Variants in SHISA6 observed in about 807,000 individuals in gnomAD.
SHISA6 encodes protein shisa-6.
Under a neutral mutation model 47.9 loss-of-function variants are expected in SHISA6, and 22 were observed. That is an observed-to-expected ratio of 0.46 (90% CI 0.33 to 0.66). The LOEUF is 0.66. Ranked by LOEUF, SHISA6 falls within the 30% of genes least tolerant of loss-of-function variation. SHISA6 has a pLI of 0.02. For missense variants in SHISA6, 680 were observed against 764.6 expected, an observed-to-expected ratio of 0.89 and a Z score of 1.30; for synonymous variants, 388 against 337.8, an observed-to-expected ratio of 1.15 and a Z score of -1.63.
intron 3 of SHISA6, among the ~76,000 whole-genome samples, chr17:11,444,426 A>T (rs1195025482): frequency 6.6e-6 from 1 of 152,206 alleles, no homozygotes; most frequent in East Asian, 1.9e-4. Context: ...CACCCACATT[A>T]TATGGCACAT....
At chr17:11,393,300 G>A (rs767982920) in intron 3 of SHISA6, among the ~76,000 whole-genome samples, 5 of 152,172 alleles carry the variant, frequency 3.3e-5, no homozygotes, top group African/African-American at 4.8e-5. Flanking sequence ...ATCCAAGTCC[G>A]TTACCATTCT....
intron 3 of SHISA6, among the ~76,000 whole-genome samples, chr17:11,500,491 A>G (rs1169311137): frequency 6.6e-6 from 1 of 152,156 alleles, no homozygotes; most frequent in Non-Finnish European, 1.5e-5. Flanking sequence ...TAGGTGAGGA[A>G]ACTGAGGCGC....
chr17:11,496,633 G>T (rs979456722), intron 3 of SHISA6, among the ~76,000 whole-genome samples: 1 of 152,090 alleles, frequency 6.6e-6, no homozygotes, highest in Non-Finnish European at 1.5e-5. Flanking sequence ...CAGCTACTCG[G>T]GAGGCTGAGG....
At chr17:11,292,714 C>G (rs542857145) in intron 2 of SHISA6, among the ~76,000 whole-genome samples, 1 of 151,632 alleles carries the variant, frequency 6.6e-6, no homozygotes, top group East Asian at 1.9e-4. Context: ...AGCAAGGAGA[C>G]GAGATGAACT....
At chr17:11,378,512 T>A (rs1912893041) in intron 2 of SHISA6, among the ~76,000 whole-genome samples, 1 of 152,224 alleles carries the variant, frequency 6.6e-6, no homozygotes, top group South Asian at 2.1e-4. Flanking sequence ...ATGAAAGAAA[T>A]GGTTTTTTCA....
In SHISA6 at chr17:11,557,760, A is replaced by T; in HGVS notation, c.1112A>T (p.Lys371Met). Residue 371 changes from lysine to methionine, a missense_variant, in exon 6 of 6, where the codon AAG becomes ATG. Transcript: ENST00000441885. ...CTCTGTCTCTCCCCTGCAGCCGACA[A>T]GGAGGCTGACGAGTATTACATGAGA... ...KYSSLKRLTD[K>M]EADEYYMRRR... 5 of 1,541,650 alleles carry T rather than the reference A, an allele frequency of 3.2e-6. No homozygotes were observed. The highest frequency in any genetic ancestry group is 4.4e-6 in the Non-Finnish European group (5 of 1,141,070).
chr17:11,445,581 T>C (rs1025504573), intron 3 of SHISA6, among the ~76,000 whole-genome samples: 1 of 152,236 alleles, frequency 6.6e-6, no homozygotes, highest in Non-Finnish European at 1.5e-5. Flanking sequence ...AATTATTCTC[T>C]ATAAAATCCA....
At chr17:11,429,499 G>A (rs531759814) in intron 3 of SHISA6, among the ~76,000 whole-genome samples, 33 of 151,950 alleles carry the variant, frequency 2.2e-4, no homozygotes, top group South Asian at 6.2e-4. Flanking sequence ...TCAAATATCC[G>A]GCCAGGCGCC....
At chr17:11,248,996 G>A (rs541530251) in intron 1 of SHISA6, among the ~76,000 whole-genome samples, 120 of 152,150 alleles carry the variant, frequency 7.9e-4, no homozygotes, top group Middle Eastern at 3.4e-3. Context: ...AAAATTAGCC[G>A]GGCTTGGTGG....
chr17:11,553,935 G>A (rs950471802), intron 4 of SHISA6, among the ~76,000 whole-genome samples: 5 of 152,168 alleles, frequency 3.3e-5, no homozygotes, highest in Admixed American at 3.3e-4. Flanking sequence ...ATACAGAAGA[G>A]TAAAGGAGGC....
intron 3 of SHISA6, among the ~76,000 whole-genome samples, chr17:11,485,943 C>T (rs1341277553): frequency 2.6e-5 from 4 of 152,134 alleles, no homozygotes; most frequent in Non-Finnish European, 4.4e-5. Flanking sequence ...GGCTTCATTT[C>T]TCCTCCTAAT....
chr17:11,466,459 G>A lies in SHISA6; in HGVS notation c.896-85437G>A, dbSNP rs368609854. 6.6e-5 allele frequency among the ~76,000 whole-genome samples: 10 copies of A among 152,262 alleles called. No homozygotes were observed. The East Asian group carries it at 1.7e-3, about 27-fold the overall frequency. Reference sequence around the variant, plus strand: ...TGAAATCCTTAACCTAATCACATCTGCAAAGTCCCTTTTGCCATGGAAGGT... The same window carrying A: ...TGAAATCCTTAACCTAATCACATCTACAAAGTCCCTTTTGCCATGGAAGGT... On this transcript the variant is annotated intron_variant, in intron 3 of 5. Coordinates refer to ENST00000441885, the MANE Select transcript of SHISA6 (RefSeq NM_207386.4).
At chr17:11,282,571 C>T (rs1909160453) in intron 2 of SHISA6, among the ~76,000 whole-genome samples, 1 of 152,084 alleles carries the variant, frequency 6.6e-6, no homozygotes, top group African/African-American at 2.4e-5. Context: ...CCGACAGGCC[C>T]CAGTGTGTGG....
chr17:11,426,773 A>G (rs1200177196), intron 3 of SHISA6, among the ~76,000 whole-genome samples: 1 of 152,148 alleles, frequency 6.6e-6, no homozygotes, highest in African/African-American at 2.4e-5. Context: ...ATAATTCTGG[A>G]AGTTGCGGGG....
chr17:11,456,332 C>A (rs1915531982), intron 3 of SHISA6, among the ~76,000 whole-genome samples: 1 of 152,160 alleles, frequency 6.6e-6, no homozygotes, highest in African/African-American at 2.4e-5. Context: ...TGTGACTTCC[C>A]AGGGGAGTTC....
At chr17:11,435,770 G>A (rs1452422046) in intron 3 of SHISA6, among the ~76,000 whole-genome samples, 4 of 152,128 alleles carry the variant, frequency 2.6e-5, no homozygotes, top group Admixed American at 2.6e-4. Context: ...CCATAGCTGT[G>A]CAGTTCTAAA....
At chr17:11,316,720 C>T (rs1910538608) in intron 2 of SHISA6, among the ~76,000 whole-genome samples, 2 of 152,088 alleles carry the variant, frequency 1.3e-5, no homozygotes, top group South Asian at 2.1e-4. Context: ...ACGCCCGGCC[C>T]ATCCTTCTCT....
chr17:11,430,829 C>T (rs1567604121), intron 3 of SHISA6, among the ~76,000 whole-genome samples: 1 of 152,164 alleles, frequency 6.6e-6, no homozygotes, highest in Non-Finnish European at 1.5e-5. Context: ...CAGCAAAGAA[C>T]ACAAAGAGAG....
intron 3 of SHISA6, among the ~76,000 whole-genome samples, chr17:11,439,291 G>A (rs1877644): frequency 0.25 from 37,822 of 152,094 alleles, 6,413 homozygotes; most frequent in African/African-American, 0.48. Flanking sequence ...TGGGTCATCA[G>A]TAGTGTCCAC....
Sources: allele counts gnomAD v4.1 joint callset (sites outside exome capture counted in the v4.1 genomes callset), GRCh38; gene constraint gnomAD v4.1.1; transcripts MANE v1.5; gene names NCBI Gene and HGNC (gene_info 2026-07-23, HGNC 2026-07-21).